PDPN: variants seen among roughly 807,000 people sequenced by gnomAD.
PDPN encodes podoplanin.
Under a neutral mutation model 23.2 loss-of-function variants are expected in PDPN, and 12 were observed. The ratio of observed to expected loss-of-function variants is 0.52; its 90% CI spans 0.33 to 0.84. PDPN has a LOEUF of 0.84. Among genes scored for constraint, PDPN ranks in the 40% least tolerant of loss-of-function variants. The pLI is 0.02. For synonymous variants in PDPN, 77 were observed against 76.7 expected (o/e 1.00, Z -0.02); for missense variants, 199 against 212.2 (o/e 0.94, Z 0.39).
chr1:13,584,129 C>G, intron 1 of PDPN, 29 bp downstream of exon 1: 1 of 1,608,676 alleles, frequency 6.2e-7, no homozygotes, highest in Non-Finnish European at 8.5e-7. Context: ...GGCTTCCTGC[C>G]GTCGCTGATG....
chr1:13,599,462 T>G (rs1378513083), intron 1 of PDPN, among the ~76,000 whole-genome samples: 1 of 134,208 alleles, frequency 7.5e-6, no homozygotes, highest in Non-Finnish European at 1.6e-5. Context: ...CTCAGCTCAC[T>G]GCAACCTCCA....
intron 1 of PDPN, among the ~76,000 whole-genome samples, chr1:13,606,056 C>T (rs1640781840): frequency 6.6e-6 from 1 of 151,842 alleles, no homozygotes; most frequent in African/African-American, 2.4e-5. Flanking sequence ...GTGATGCGAT[C>T]TCAGCTTACT....
intron 1 of PDPN, among the ~76,000 whole-genome samples, chr1:13,603,677 C>A (rs572592928): frequency 2.0e-5 from 3 of 151,828 alleles, no homozygotes; most frequent in African/African-American, 4.8e-5. Flanking sequence ...CAACCTCCGC[C>A]CCCCGAGTTC....
In PDPN at chr1:13,614,418, A is replaced by G. The variant is rs753464725; in HGVS notation, c.482+7A>G. 7.3e-7 allele frequency: 1 copy of G among 1,363,962 alleles called. No homozygotes were observed. The highest frequency in any genetic ancestry group is 1.2e-5 in the South Asian group (1 of 85,746). 84.5% of individuals were successfully genotyped at this position (1,363,962 alleles called of 1,614,324 possible). A position where few individuals can be genotyped will look rare whatever the true frequency, so the allele number is the denominator to read the frequency against. On this transcript the variant is annotated splice_region_variant and intron_variant, in intron 5 of 5. Transcript: ENST00000621990. ...AAATGTCGGGAAGGTACTCGTAAGTAAATAGCTTACACCCATGTGATAGGC... is the reference window on the plus strand; with the variant it reads ...AAATGTCGGGAAGGTACTCGTAAGTGAATAGCTTACACCCATGTGATAGGC...
chr1:13,589,362 C>G (rs1429584037), intron 1 of PDPN, among the ~76,000 whole-genome samples: 1 of 152,140 alleles, frequency 6.6e-6, no homozygotes, highest in Non-Finnish European at 1.5e-5. Context: ...GTGAGCTTGG[C>G]TAATGGGAAA....
chr1:13,605,789 A>AT (rs1311239492), intron 1 of PDPN, among the ~76,000 whole-genome samples: 1 of 151,880 alleles, frequency 6.6e-6, no homozygotes, highest in Admixed American at 6.6e-5. Context: ...TGCCCAGCTA[A>AT]TTTTTGTATT....
chr1:13,610,659 T>G (rs1570055586), intron 3 of PDPN, 143 bp downstream of exon 3: 1 of 794,154 alleles, frequency 1.3e-6, no homozygotes, highest in Non-Finnish European at 2.0e-6. Flanking sequence ...ATATGGTAGG[T>G]TCAGAATTCT....
At chr1:13,613,596 T>A in intron 3 of PDPN, 91 bp from the exon 4 acceptor site, 1 of 730,770 alleles carries the variant, frequency 1.4e-6, no homozygotes, top group East Asian at 2.7e-5. Context: ...TTTTGCTGCT[T>A]TCCACTTGGG....
chr1:13,607,310 A>G lies in PDPN; in HGVS notation c.201+4A>G, dbSNP rs749267855. On this transcript the variant is annotated splice_donor_region_variant and intron_variant, in intron 2 of 5. Transcript: ENST00000621990. ...TAAGTCTGGCTTGACAACTCTGGTC[A>G]GTGTCCTGGGAAGAGAGGAATTTTT... 126 of 1,613,474 alleles carry G rather than the reference A, an allele frequency of 7.8e-5. No homozygotes were observed. The highest frequency in any genetic ancestry group is 4.2e-6 in the Non-Finnish European group (5 of 1,179,700).
At chr1:13,600,822 A>G (rs1640624293) in intron 1 of PDPN, among the ~76,000 whole-genome samples, 1 of 151,838 alleles carries the variant, frequency 6.6e-6, no homozygotes, top group Non-Finnish European at 1.5e-5. Context: ...GGGGATTTGT[A>G]GCCCACAAGC....
chr1:13,598,521 A>G (rs889333616), intron 1 of PDPN, among the ~76,000 whole-genome samples: 1 of 152,006 alleles, frequency 6.6e-6, no homozygotes, highest in African/African-American at 2.4e-5. Context: ...CACACTATTC[A>G]CTTACTTGAC....
chr1:13,590,543 C>T (rs75305594), intron 1 of PDPN, among the ~76,000 whole-genome samples: 3 of 152,076 alleles, frequency 2.0e-5, no homozygotes, highest in African/African-American at 7.2e-5. Flanking sequence ...GAGCAGGTGG[C>T]AGGGACAGTT....
chr1:13,591,684 A>T (rs372162370), intron 1 of PDPN, among the ~76,000 whole-genome samples: 1 of 152,056 alleles, frequency 6.6e-6, no homozygotes, highest in African/African-American at 2.4e-5. Flanking sequence ...CATGCACCAG[A>T]ATTTCGTTCT....
intron 1 of PDPN, chr1:13,585,405 T>C: frequency 9.5e-7 from 1 of 1,047,124 alleles, no homozygotes; most frequent in Non-Finnish European, 1.2e-6. Context: ...AGTCCTATCT[T>C]TGGAACTTCT....
At position 13,610,477 on chromosome 1, in the gene PDPN, A is replaced by G; in HGVS notation, c.292A>G (p.Ser98Gly). The change falls in exon 3 of 6, where the codon AGC becomes GGC. Residue 98 changes from serine to glycine, a missense_variant. Ser to Gly is a moderately conservative substitution (Grantham distance 56). Transcript: ENST00000621990. Reference protein sequence around the residue: ...STVHAQEQSPSATASNVATSH... With the variant: ...STVHAQEQSPGATASNVATSH... ...AGTCCACGCGCAAGAACAAAGTCCA[A>G]GCGCCACAGCCTCAAACGTGGCCAC... 6.2e-7 allele frequency: 1 copy of G among 1,614,034 alleles called. No individual in the cohort carries two copies. The highest frequency in any genetic ancestry group is 1.3e-5 in the African/African-American group (1 of 75,040).
intron 1 of PDPN, among the ~76,000 whole-genome samples, chr1:13,591,987 G>A (rs547739718): frequency 4.7e-4 from 71 of 152,328 alleles, no homozygotes; most frequent in African/African-American, 1.6e-3. Flanking sequence ...TTCTCTGTGT[G>A]TGTGTTTACG....
At position 13,583,875 on chromosome 1, in the gene PDPN, C is replaced by T. The variant is rs776403428; in HGVS notation, c.-159C>T. The T allele has an allele frequency of 3.5e-5, 57 of 1,607,710 alleles. 2 individuals are homozygous for T. The East Asian group carries it at 1.2e-3, about 33-fold the overall frequency. On this transcript the variant is annotated 5_prime_UTR_variant, in exon 1 of 6. Transcript: ENST00000621990. ...CCGGCTGCCTAGGGTCTGGGAAGCT[C>T]GGGCACCCTCCCTCTCCGGGGCTCC...
At chr1:13,584,180 G>T (rs1416584525) in intron 1 of PDPN, 80 bp downstream of exon 1, 2 of 1,553,818 alleles carry the variant, frequency 1.3e-6, no homozygotes, top group Admixed American at 3.6e-5. Context: ...CCCGGGCCTG[G>T]TATTCGAGGT....
chr1:13,584,179 G>A, intron 1 of PDPN, 79 bp downstream of exon 1: 5 of 1,552,086 alleles, frequency 3.2e-6, no homozygotes, highest in Non-Finnish European at 4.4e-6. Flanking sequence ...GCCCGGGCCT[G>A]GTATTCGAGG....
Sources: allele counts gnomAD v4.1 joint callset (sites outside exome capture counted in the v4.1 genomes callset), GRCh38; gene constraint gnomAD v4.1.1; transcripts MANE v1.5; gene names NCBI Gene and HGNC (gene_info 2026-07-23, HGNC 2026-07-21).